ARFGEF2: variants seen among roughly 807,000 people sequenced by gnomAD.
ARFGEF2 encodes brefeldin A-inhibited guanine nucleotide-exchange protein 2.
A neutral mutation model predicts 219.9 loss-of-function variants in ARFGEF2; 74 were observed. The observed-to-expected ratio is 0.34, with a 90% CI of 0.28 to 0.41. ARFGEF2 has a LOEUF of 0.41. Ranked by LOEUF, ARFGEF2 falls within the 10% of genes least tolerant of loss-of-function variation. The pLI, the probability that ARFGEF2 is intolerant of heterozygous loss-of-function variation, is 1.00. For synonymous variants in ARFGEF2, 733 were observed against 799.2 expected (o/e 0.92, Z 1.40); for missense variants, 1,743 against 2,218.3 (o/e 0.79, Z 4.30).
chr20:48,985,312 G>A, intron 15 of ARFGEF2, 96 bp from the exon 16 acceptor site: 1 of 1,334,692 alleles, frequency 7.5e-7, no homozygotes, highest in Non-Finnish European at 1.1e-6. Context: ...TGGGCAGTTA[G>A]GGCCAGGCTA....
chr20:48,959,325 G>C (rs1008956999), intron 6 of ARFGEF2, among the ~76,000 whole-genome samples: 1 of 151,312 alleles, frequency 6.6e-6, no homozygotes, highest in African/African-American at 2.4e-5. Flanking sequence ...GACTGGAAAG[G>C]AACTTGGAAA....
intron 36 of ARFGEF2, among the ~76,000 whole-genome samples, chr20:49,025,825 T>C (rs1370966735): frequency 6.8e-6 from 1 of 147,904 alleles, no homozygotes; most frequent in Non-Finnish European, 1.5e-5. Flanking sequence ...CTACTAAAAA[T>C]ATAAAAATTA....
At position 49,034,759 on chromosome 20, in the gene ARFGEF2, G is replaced by A. The variant is rs762815860; in HGVS notation, c.*1560G>A. Reference sequence around the variant, plus strand: ...TTTCTGGTGCTTTTGCTTACTAAGAGACCGATATTCTTAAGTTGTTTTCTT... The same window carrying A: ...TTTCTGGTGCTTTTGCTTACTAAGAAACCGATATTCTTAAGTTGTTTTCTT... On this transcript the variant is annotated 3_prime_UTR_variant, in exon 39 of 39. Coordinates refer to ENST00000371917, the MANE Select transcript of ARFGEF2 (RefSeq NM_006420.3). 3.9e-5 allele frequency: 6 copies of A among 152,306 alleles called. No individual in the cohort carries two copies. Among genetic ancestry groups the A allele is most frequent in the Non-Finnish European group, 8.8e-5 (6 of 68,032 alleles). The allele number at this position is 152,306 out of a possible 1,614,324, so 9.4% of individuals were successfully genotyped here. A position where few individuals can be genotyped will look rare whatever the true frequency, so the allele number is the denominator to read the frequency against.
chr20:49,010,439 A>C (rs1466240634), intron 27 of ARFGEF2, 35 bp downstream of exon 27: 3 of 1,610,056 alleles, frequency 1.9e-6, no homozygotes, highest in Admixed American at 1.7e-5. Flanking sequence ...CTAATGTCCC[A>C]CCTGCAAGTC....
intron 16 of ARFGEF2, among the ~76,000 whole-genome samples, chr20:48,988,035 A>G (rs2091336210): frequency 6.6e-6 from 1 of 152,104 alleles, no homozygotes; most frequent in Non-Finnish European, 1.5e-5. Flanking sequence ...TGATCCACCC[A>G]TCTCGGCCTC....
intron 25 of ARFGEF2, among the ~76,000 whole-genome samples, chr20:49,002,015 G>A (rs749114647): frequency 8.5e-5 from 13 of 152,306 alleles, no homozygotes; most frequent in Admixed American, 1.3e-4. Context: ...GGAAGCTGAG[G>A]CAGGCAGATC....
chr20:48,998,922 C>G (rs2091407988), intron 25 of ARFGEF2, among the ~76,000 whole-genome samples: 1 of 152,186 alleles, frequency 6.6e-6, no homozygotes, highest in Non-Finnish European at 1.5e-5. Flanking sequence ...TGCCACCATT[C>G]TTCTGAAACT....
At chr20:49,011,890 G>GTGCCTT in intron 27 of ARFGEF2, 34 bp from the exon 28 acceptor site, 1 of 1,613,496 alleles carries the variant, frequency 6.2e-7, no homozygotes, top group Non-Finnish European at 8.5e-7. Flanking sequence ...TCTAAATCCT[G>GTGCCTT]GTCTTATGAA....
At chr20:49,000,148 A>G (rs553638865) in intron 25 of ARFGEF2, among the ~76,000 whole-genome samples, 1 of 152,098 alleles carries the variant, frequency 6.6e-6, no homozygotes, top group South Asian at 2.1e-4. Context: ...GTGCTAGTCT[A>G]CTCCACCACT....
chr20:49,010,135 GAAATGT>G, intron 26 of ARFGEF2, 91 bp from the exon 27 acceptor site: 1 of 1,459,784 alleles, frequency 6.9e-7, no homozygotes, highest in Non-Finnish European at 9.3e-7. Flanking sequence ...TGTGCTATAA[GAAATGT>G]TTAAGTGCTG....
chr20:49,035,716 T>C lies in ARFGEF2; in HGVS notation c.*2517T>C, dbSNP rs2091662478. On this transcript the variant is annotated 3_prime_UTR_variant, in exon 39 of 39. Coordinates refer to ENST00000371917, the MANE Select transcript of ARFGEF2 (RefSeq NM_006420.3). ...TTCAGAATGCTTTAAGTGTTGATTA[T>C]ATGTGCTGGGTCTCTAGAGAAGTTT... is the stretch of plus-strand genomic sequence containing the variant. The C allele has an allele frequency of 6.5e-6, 1 of 153,486 alleles. No individual in the cohort carries two copies. Among genetic ancestry groups the C allele is most frequent in the East Asian group, 1.9e-4 (1 of 5,236 alleles). The allele number at this position is 153,486 out of a possible 1,614,324, so 9.5% of individuals were successfully genotyped here.
chr20:49,015,607 C>T (rs529063819), intron 30 of ARFGEF2, among the ~76,000 whole-genome samples: 2 of 152,228 alleles, frequency 1.3e-5, no homozygotes, highest in South Asian at 2.1e-4. Context: ...TTGGGGCCTG[C>T]GTATTACTAA....
chr20:48,941,734 C>A, intron 2 of ARFGEF2, 130 bp from the exon 3 acceptor site: 1 of 1,407,860 alleles, frequency 7.1e-7, no homozygotes, highest in Non-Finnish European at 1.0e-6. Flanking sequence ...ATGTATTCAA[C>A]TTTTAATGCC....
chr20:48,995,849 C>G lies in ARFGEF2; in HGVS notation c.3188C>G (p.Thr1063Ser). 1 of 1,614,130 alleles carries G rather than the reference C, an allele frequency of 6.2e-7. No homozygotes were observed. ...MASFQESVGETSSQSVVVAVD... is the reference protein window; with the variant it reads ...MASFQESVGESSSQSVVVAVD... ...AGCTTCCAAGAATCGGTTGGTGAGA[C>G]CAGCTCGCAGAGTGTGGTTGTAGCT... The change falls in exon 23 of 39, where the codon ACC (threonine) becomes AGC (serine). Residue 1063 changes from threonine (T) to serine (S), a missense_variant. Thr to Ser is a moderately conservative substitution (Grantham distance 58, BLOSUM62 1). Around this residue, in one of 5 missense-constraint regions of ARFGEF2, gnomAD observed 666 missense variants for 955.4 expected, o/e 0.70. Coordinates refer to ENST00000371917, the MANE Select transcript of ARFGEF2 (RefSeq NM_006420.3).
chr20:48,998,546 A>G, intron 25 of ARFGEF2, 41 bp downstream of exon 25: 1 of 1,596,178 alleles, frequency 6.3e-7, no homozygotes, highest in Non-Finnish European at 8.5e-7. Context: ...TTAAAAAAAA[A>G]AAAAAGTAGA....
rs765247384 is a variant in ARFGEF2 at position 48,952,693 on chromosome 20, T to A, written c.424-12T>A. The A allele has an allele frequency of 1.9e-6, 3 of 1,614,042 alleles. No homozygotes were observed. In the African/African-American group the frequency reaches 4.0e-5, roughly 22 times the overall value. On this transcript the variant is annotated splice_polypyrimidine_tract_variant and intron_variant, in intron 4 of 38. Coordinates refer to ENST00000371917, the MANE Select transcript of ARFGEF2 (RefSeq NM_006420.3). ...CGTTCCTGATGGTGAAGGTCGCGGA[T>A]TTCTATTTTAGGCTCTTCTGACTGC...
chr20:48,988,693 G>A, intron 18 of ARFGEF2, 31 bp downstream of exon 18: 1 of 1,604,572 alleles, frequency 6.2e-7, no homozygotes, highest in South Asian at 1.1e-5. Flanking sequence ...ATTTCTTTTA[G>A]TTCTAATTTT....
At chr20:48,968,739 C>T (rs900201504) in intron 8 of ARFGEF2, among the ~76,000 whole-genome samples, 1 of 152,094 alleles carries the variant, frequency 6.6e-6, no homozygotes, top group African/African-American at 2.4e-5. Context: ...GGTTTTTTTA[C>T]AGCTTAACTT....
chr20:49,026,218 A>G (rs1002341717), intron 36 of ARFGEF2, among the ~76,000 whole-genome samples: 3 of 151,826 alleles, frequency 2.0e-5, no homozygotes, highest in African/African-American at 7.3e-5. Context: ...AGCACACACC[A>G]TACTCAGGAG....
Sources: allele counts gnomAD v4.1 joint callset (sites outside exome capture counted in the v4.1 genomes callset), GRCh38; gene constraint gnomAD v4.1.1; regional missense constraint gnomAD v4.1.1; transcripts MANE v1.5; gene names NCBI Gene and HGNC (gene_info 2026-07-23, HGNC 2026-07-21).